IGF1R: variants seen among roughly 807,000 people sequenced by gnomAD.
The protein encoded by IGF1R is insulin-like growth factor 1 receptor.
In IGF1R, 44 loss-of-function variants were observed where a neutral mutation model predicts 144.6. That is an observed-to-expected ratio of 0.30 (90% CI 0.24 to 0.39). The LOEUF (loss-of-function observed/expected upper bound fraction) is 0.39, where lower values mean the gene tolerates loss of function less well. Ranked by LOEUF, IGF1R falls within the 10% of genes least tolerant of loss-of-function variation. IGF1R has a pLI of 1.00. For missense variants in IGF1R, 1,355 were observed against 1,833.7 expected, an observed-to-expected ratio of 0.74 and a Z score of 4.77; for synonymous variants, 795 against 722.8, an observed-to-expected ratio of 1.10 and a Z score of -1.60.
intron 2 of IGF1R, among the ~76,000 whole-genome samples, chr15:98,762,585 G>A (rs1172472492): frequency 6.6e-6 from 1 of 151,952 alleles, no homozygotes; most frequent in Non-Finnish European, 1.5e-5. Flanking sequence ...AAAGTTAGCT[G>A]GGCGTGGTGG....
At chr15:98,908,453 C>T (rs1010426190) in intron 5 of IGF1R, among the ~76,000 whole-genome samples, 4 of 152,178 alleles carry the variant, frequency 2.6e-5, no homozygotes, top group Admixed American at 2.0e-4. Flanking sequence ...TAATAGTGGT[C>T]ATAGAATTAA....
At chr15:98,914,697 C>T (rs2015167003) in intron 8 of IGF1R, among the ~76,000 whole-genome samples, 1 of 152,208 alleles carries the variant, frequency 6.6e-6, no homozygotes, top group African/African-American at 2.4e-5. Context: ...CTCAAGAAAC[C>T]TGTTTCCTTT....
chr15:98,947,367 A>G (rs12592205), intron 19 of IGF1R, among the ~76,000 whole-genome samples: 1 of 152,140 alleles, frequency 6.6e-6, no homozygotes, highest in Non-Finnish European at 1.5e-5. Flanking sequence ...GCACAAGGTC[A>G]AGGTCCCAAG....
chr15:98,728,169 G>A (rs1038613206), intron 2 of IGF1R, among the ~76,000 whole-genome samples: 1 of 152,002 alleles, frequency 6.6e-6, no homozygotes, highest in Non-Finnish European at 1.5e-5. Flanking sequence ...GAGCTTTCCT[G>A]GATCTGTAAA....
At chr15:98,902,382 T>C (rs1455663621) in intron 5 of IGF1R, among the ~76,000 whole-genome samples, 2 of 152,070 alleles carry the variant, frequency 1.3e-5, no homozygotes, top group Non-Finnish European at 1.5e-5. Flanking sequence ...GGTTCACCCA[T>C]GTTGTTAACA....
chr15:98,748,476 G>A (rs989836477), intron 2 of IGF1R, among the ~76,000 whole-genome samples: 2 of 152,178 alleles, frequency 1.3e-5, no homozygotes, highest in Admixed American at 6.5e-5. Context: ...CATGCAGTCC[G>A]TGTACACTTT....
chr15:98,961,645 A>G lies in IGF1R; in HGVS notation c.*4203A>G, dbSNP rs1268955712. The G allele has an allele frequency of 1.3e-5, 3 of 233,658 alleles. No individual in the cohort carries two copies. The highest frequency in any genetic ancestry group is 4.4e-5 in the African/African-American group (2 of 45,362). The allele number at this position is 233,658 out of a possible 1,614,324, so 14.5% of individuals were successfully genotyped here. On this transcript the variant is annotated 3_prime_UTR_variant, in exon 21 of 21. Transcript: ENST00000650285. Reference sequence around the variant, plus strand: ...GAAGTCATATGAACCACTGAGGCACATCATGGAATTGATGTGAGCATTAAG... The same window carrying G: ...GAAGTCATATGAACCACTGAGGCACGTCATGGAATTGATGTGAGCATTAAG...
At chr15:98,776,970 G>A (rs1440000358) in intron 2 of IGF1R, among the ~76,000 whole-genome samples, 1 of 152,212 alleles carries the variant, frequency 6.6e-6, no homozygotes, top group African/African-American at 2.4e-5. Context: ...GGATTTACAA[G>A]TTCTTGCTGT....
chr15:98,896,128 CA>C (rs1442251049), intron 3 of IGF1R, among the ~76,000 whole-genome samples: 1 of 152,092 alleles, frequency 6.6e-6, no homozygotes, highest in Non-Finnish European at 1.5e-5. Context: ...GTGTATGCAG[CA>C]AAAGCAACAT....
At chr15:98,775,795 G>T (rs1013607689) in intron 2 of IGF1R, among the ~76,000 whole-genome samples, 2 of 152,202 alleles carry the variant, frequency 1.3e-5, no homozygotes, top group Non-Finnish European at 2.9e-5. Context: ...GATTCAGCAG[G>T]TCTCGGGCTG....
chr15:98,755,067 GAT>G (rs1008775491), intron 2 of IGF1R, among the ~76,000 whole-genome samples: 1 of 152,142 alleles, frequency 6.6e-6, no homozygotes, highest in African/African-American at 2.4e-5. Flanking sequence ...TAAAATAAAA[GAT>G]ATATATAGAA....
chr15:98,737,259 G>A lies in IGF1R; in HGVS notation c.640+29152G>A, dbSNP rs1053447311. Reference sequence around the variant, plus strand: ...CGGCAGCTGCTCTGTGCCATCCACCGTCTTGGGAACCCCAGCGTGGCATTC... The same window carrying A: ...CGGCAGCTGCTCTGTGCCATCCACCATCTTGGGAACCCCAGCGTGGCATTC... On this transcript the variant is annotated intron_variant, in intron 2 of 20. Coordinates refer to ENST00000650285, the MANE Select transcript of IGF1R (RefSeq NM_000875.5). 5.9e-5 allele frequency among the ~76,000 whole-genome samples: 9 copies of A among 152,306 alleles called. No individual in the cohort carries two copies. The East Asian group carries it at 1.2e-3, about 20-fold the overall frequency.
chr15:98,793,930 G>A (rs565397606), intron 2 of IGF1R, among the ~76,000 whole-genome samples: 12 of 152,310 alleles, frequency 7.9e-5, no homozygotes, highest in African/African-American at 2.4e-4. Context: ...TTTGCAAAAA[G>A]GCACAAAATG....
intron 1 of IGF1R, among the ~76,000 whole-genome samples, chr15:98,683,418 C>T (rs563876225): frequency 3.3e-5 from 5 of 152,288 alleles, no homozygotes; most frequent in East Asian, 1.9e-4. Context: ...TGTTTCTGCT[C>T]GGAAGGCCAG....
intron 20 of IGF1R, among the ~76,000 whole-genome samples, chr15:98,955,806 C>G (rs2016956340): frequency 6.6e-6 from 1 of 152,276 alleles, no homozygotes; most frequent in South Asian, 2.1e-4. Flanking sequence ...AGCAGCCACC[C>G]TGACAGGAGG....
chr15:98,858,558 C>G (rs932039328), intron 2 of IGF1R, among the ~76,000 whole-genome samples: 4 of 152,214 alleles, frequency 2.6e-5, no homozygotes, highest in Non-Finnish European at 4.4e-5. Flanking sequence ...GAAATAACAT[C>G]AATCCACCCA....
intron 2 of IGF1R, among the ~76,000 whole-genome samples, chr15:98,739,107 G>T (rs1473918451): frequency 6.6e-6 from 1 of 152,178 alleles, no homozygotes. Flanking sequence ...CTATTTTTAT[G>T]CTGTGGCTGT....
In IGF1R at chr15:98,649,477, C is replaced by T. The variant is rs1486572793; in HGVS notation, c.-105C>T. ...CTTGTTTTTGGAGGGGGAGCGAAGA[C>T]TGAGTTTGAGACTTGTTTCCTTTCA... On this transcript the variant is annotated 5_prime_UTR_variant, in exon 1 of 21. Coordinates refer to ENST00000650285, the MANE Select transcript of IGF1R (RefSeq NM_000875.5). 13 of 807,346 alleles carry T rather than the reference C, an allele frequency of 1.6e-5. No homozygotes were observed. The highest frequency in any genetic ancestry group is 5.5e-5 in the East Asian group (2 of 36,558). 50.0% of individuals were successfully genotyped at this position (807,346 alleles called of 1,614,324 possible).
chr15:98,684,952 TAA>T (rs1422726747), intron 1 of IGF1R, among the ~76,000 whole-genome samples: 37 of 88,108 alleles, frequency 4.2e-4, no homozygotes, highest in African/African-American at 6.6e-4. Context: ...TTTTTTTTTT[TAA>T]ATTTTTGAGA....
Sources: allele counts gnomAD v4.1 joint callset (sites outside exome capture counted in the v4.1 genomes callset), GRCh38; gene constraint gnomAD v4.1.1; transcripts MANE v1.5; gene names NCBI Gene and HGNC (gene_info 2026-07-23, HGNC 2026-07-21).